PLPPR5: variants seen among roughly 807,000 people sequenced by gnomAD.
PLPPR5 encodes the protein phospholipid phosphatase related 5.
A neutral mutation model predicts 33.9 loss-of-function variants in PLPPR5; 16 were observed. The observed-to-expected ratio is 0.47, with a 90% confidence interval of 0.32 to 0.72. The LOEUF (loss-of-function observed/expected upper bound fraction) is 0.72, where lower values mean the gene tolerates loss of function less well. Among genes scored for constraint, PLPPR5 ranks in the 30% least tolerant of loss-of-function variants. The pLI is 0.03. For synonymous variants in PLPPR5, 163 were observed against 150.3 expected, an observed-to-expected ratio of 1.08 and a Z score of -0.62; for missense variants, 301 against 406.7, an observed-to-expected ratio of 0.74 and a Z score of 2.23.
intron 5 of PLPPR5, among the ~76,000 whole-genome samples, chr1:98,901,496 C>T (rs989521373): frequency 2.0e-5 from 3 of 152,040 alleles, no homozygotes; most frequent in South Asian, 4.1e-4. Context: ...CCAGACATAA[C>T]ATGAAGTCTA....
intron 3 of PLPPR5, among the ~76,000 whole-genome samples, chr1:98,936,789 G>A (rs1650181905): frequency 6.6e-6 from 1 of 152,174 alleles, no homozygotes; most frequent in African/African-American, 2.4e-5. Flanking sequence ...TAAGTCTTGG[G>A]TATTTTTCCT....
intron 1 of PLPPR5, among the ~76,000 whole-genome samples, chr1:98,979,465 T>C (rs1156545066): frequency 6.6e-6 from 1 of 152,124 alleles, no homozygotes; most frequent in Non-Finnish European, 1.5e-5. Context: ...GCTATGTTGT[T>C]GCTATTATAG....
At chr1:98,907,453 C>T (rs1648950392) in intron 5 of PLPPR5, among the ~76,000 whole-genome samples, 1 of 152,126 alleles carries the variant, frequency 6.6e-6, no homozygotes, top group Non-Finnish European at 1.5e-5. Flanking sequence ...CTTGGCCTCC[C>T]AAAGTGCTGG....
At chr1:98,945,129 G>C (rs1650505926) in intron 3 of PLPPR5, among the ~76,000 whole-genome samples, 1 of 152,160 alleles carries the variant, frequency 6.6e-6, no homozygotes. Context: ...TGGAAAAGAA[G>C]TTAAAAATAC....
At chr1:98,905,627 A>G (rs533744715) in intron 5 of PLPPR5, among the ~76,000 whole-genome samples, 4 of 152,136 alleles carry the variant, frequency 2.6e-5, no homozygotes, top group Non-Finnish European at 4.4e-5. Context: ...CTTTTCTTAT[A>G]TATCTTCTAC....
intron 3 of PLPPR5, among the ~76,000 whole-genome samples, chr1:98,939,194 A>T (rs1427296494): frequency 6.6e-6 from 1 of 151,818 alleles, no homozygotes; most frequent in Non-Finnish European, 1.5e-5. Flanking sequence ...TATTTTAAAA[A>T]TATACTTTAC....
At chr1:99,000,298 A>G (rs1652784846) in intron 1 of PLPPR5, among the ~76,000 whole-genome samples, 1 of 152,212 alleles carries the variant, frequency 6.6e-6, no homozygotes, top group Admixed American at 6.5e-5. Context: ...GGAGATGAAG[A>G]GTTTGAAATT....
At chr1:98,899,671 T>G (rs796790019) in intron 5 of PLPPR5, among the ~76,000 whole-genome samples, 5 of 150,874 alleles carry the variant, frequency 3.3e-5, no homozygotes, top group African/African-American at 1.2e-4. Flanking sequence ...TTTTTTTTTT[T>G]TTTTTGAGAC....
At chr1:99,005,170 G>GC (rs1653040353), upstream of PLPPR5, 1 of 150,092 alleles carries the variant, frequency 6.7e-6, no homozygotes, top group Non-Finnish European at 1.5e-5. Flanking sequence ...AAAATCAAAA[G>GC]GGGGGGAGGG....
chr1:98,948,045 C>A (rs981336588), intron 3 of PLPPR5, among the ~76,000 whole-genome samples: 1 of 152,154 alleles, frequency 6.6e-6, no homozygotes, highest in Non-Finnish European at 1.5e-5. Flanking sequence ...CAGCCTGGAG[C>A]TTTTCATTTG....
chr1:98,957,239 T>C (rs1217275932), intron 1 of PLPPR5, among the ~76,000 whole-genome samples: 1 of 151,264 alleles, frequency 6.6e-6, no homozygotes, highest in African/African-American at 2.4e-5. Context: ...TAATGCTAGA[T>C]GACGAGTTAG....
At chr1:99,005,753 G>A (rs929377954), upstream of PLPPR5, among the ~76,000 whole-genome samples, 1 of 152,184 alleles carries the variant, frequency 6.6e-6, no homozygotes, top group African/African-American at 2.4e-5. Flanking sequence ...ATAAAGGAGA[G>A]GGAGACCAAT....
chr1:98,928,697 T>G (rs1311032271), intron 3 of PLPPR5, among the ~76,000 whole-genome samples: 1 of 151,120 alleles, frequency 6.6e-6, no homozygotes, highest in Non-Finnish European at 1.5e-5. Flanking sequence ...TTACTGCTAC[T>G]TTATTATTTT....
intron 1 of PLPPR5, among the ~76,000 whole-genome samples, chr1:98,984,432 C>T (rs572152719): frequency 3.3e-5 from 5 of 152,082 alleles, no homozygotes; most frequent in South Asian, 4.2e-4. Flanking sequence ...AAGCTTCAAA[C>T]GCTTACAAAA....
chr1:98,901,743 AGT>A (rs1288437324), intron 5 of PLPPR5, among the ~76,000 whole-genome samples: 1 of 152,080 alleles, frequency 6.6e-6, no homozygotes, highest in African/African-American at 2.4e-5. Flanking sequence ...AAGCCTTAAA[AGT>A]GTTCATGCTC....
chr1:98,935,370 G>T (rs1320278297), intron 3 of PLPPR5, among the ~76,000 whole-genome samples: 1 of 152,170 alleles, frequency 6.6e-6, no homozygotes, highest in Non-Finnish European at 1.5e-5. Flanking sequence ...AAGCCATAAT[G>T]AGGGCCTGAA....
rs548632958 is a variant in PLPPR5 at position 98,916,142 on chromosome 1, T to C, written c.799-1222A>G. 1.1e-4 allele frequency among the ~76,000 whole-genome samples: 17 copies of C among 152,304 alleles called. No individual in the cohort carries two copies. The South Asian group carries it at 3.3e-3, about 30-fold the overall frequency. On this transcript the variant is annotated intron_variant, in intron 4 of 5. Coordinates refer to ENST00000263177, the MANE Select transcript of PLPPR5 (RefSeq NM_001037317.2). ...TCAAAGGCCAATTAGATCAATTAGA[T>C]CTTGGTTGCTTTCCAGTTTTTAAAT...
chr1:99,004,589 T>G lies in PLPPR5; in HGVS notation c.83A>C (p.Tyr28Ser). The change falls in exon 1 of 6, where the codon TAC (tyrosine) becomes TCC (serine). Residue 28 changes from tyrosine to serine, a missense_variant. Coordinates refer to ENST00000263177, the MANE Select transcript of PLPPR5 (RefSeq NM_001037317.2). ...VIMAGTVMLA[Y>S]YFEYTDTFTV... ...GAACGTGTCCGTATACTCGAAGTAG[T>G]ACGCCAGCATCACCGTCCCTGCCAT... is the stretch of plus-strand genomic sequence containing the variant. 1 of 1,612,976 alleles carries G rather than the reference T, an allele frequency of 6.2e-7. No homozygotes were observed. The highest frequency in any genetic ancestry group is 8.5e-7 in the Non-Finnish European group (1 of 1,179,816).
In PLPPR5 at chr1:98,935,629, G is replaced by T. The variant is rs149015058; in HGVS notation, c.622-13571C>A. ...AAAAATAGCCCCACTGAATTAGTGG[G>T]TGTCACTGTAAGTAAGTTAAACTTA... On this transcript the variant is annotated intron_variant, in intron 3 of 5. Transcript: ENST00000263177. Among the ~76,000 whole-genome samples, 151 of 152,234 alleles carry T rather than the reference G, an allele frequency of 9.9e-4. 3 individuals are homozygous for T. In the East Asian group the frequency reaches 0.028, roughly 28 times the overall value.
Sources: allele counts gnomAD v4.1 joint callset (sites outside exome capture counted in the v4.1 genomes callset), GRCh38; gene constraint gnomAD v4.1.1; transcripts MANE v1.5; gene names NCBI Gene and HGNC (gene_info 2026-07-23, HGNC 2026-07-21).